Variants in FRMD4A observed in about 807,000 individuals in gnomAD.
The protein encoded by FRMD4A is FERM domain containing 4A.
In FRMD4A, 29 loss-of-function variants were observed where a neutral mutation model predicts 129.1. The ratio of observed to expected loss-of-function variants is 0.22; its 90% CI spans 0.17 to 0.31. The LOEUF is 0.31. Among genes scored for constraint, FRMD4A ranks in the 10% least tolerant of loss-of-function variants. The probability of loss-of-function intolerance (pLI) is 1.00; values close to 1 mark genes in which losing one functional copy is unlikely to be tolerated. For synonymous variants in FRMD4A, 634 were observed against 571.6 expected, an observed-to-expected ratio of 1.11 and a Z score of -1.56; for missense variants, 1,272 against 1,375.8, an observed-to-expected ratio of 0.92 and a Z score of 1.19.
At chr10:13,914,012 G>T (rs559223549) in intron 2 of FRMD4A, among the ~76,000 whole-genome samples, 50 of 152,292 alleles carry the variant, frequency 3.3e-4, no homozygotes, top group African/African-American at 1.2e-3. Flanking sequence ...ACTGCCTGTG[G>T]ACCAACACCC....
At chr10:13,919,680 G>A (rs1228995760) in intron 2 of FRMD4A, among the ~76,000 whole-genome samples, 2 of 152,170 alleles carry the variant, frequency 1.3e-5, no homozygotes. Flanking sequence ...GCTGAAGCCT[G>A]TAATCCCAGC....
intron 15 of FRMD4A, among the ~76,000 whole-genome samples, chr10:13,689,762 T>C (rs2134808792): frequency 1.3e-5 from 2 of 151,822 alleles, no homozygotes; most frequent in Non-Finnish European, 2.9e-5. Flanking sequence ...GGTGTCTTGC[T>C]ATGTTGCCAA....
intron 12 of FRMD4A, among the ~76,000 whole-genome samples, chr10:13,723,933 A>G (rs933975614): frequency 6.6e-6 from 1 of 152,234 alleles, no homozygotes; most frequent in African/African-American, 2.4e-5. Flanking sequence ...TGATTGTCAT[A>G]AAGAACTGGA....
At chr10:14,265,240 T>G (rs1844938651) in intron 2 of FRMD4A, among the ~76,000 whole-genome samples, 1 of 152,202 alleles carries the variant, frequency 6.6e-6, no homozygotes, top group South Asian at 2.1e-4. Context: ...GTGTCAAAGA[T>G]TTAGGATGTT....
At chr10:13,741,557 C>G (rs752637303) in intron 9 of FRMD4A, among the ~76,000 whole-genome samples, 1 of 152,136 alleles carries the variant, frequency 6.6e-6, no homozygotes, top group Non-Finnish European at 1.5e-5. Flanking sequence ...GCAGAGATGA[C>G]GCATGAATGC....
At chr10:14,278,340 C>G (rs370311790) in intron 2 of FRMD4A, among the ~76,000 whole-genome samples, 2 of 152,182 alleles carry the variant, frequency 1.3e-5, no homozygotes, top group Admixed American at 1.3e-4. Context: ...CAAGATTATA[C>G]TTCTTCACCA....
chr10:13,659,317 A>T lies in FRMD4A; in HGVS notation c.2066+6T>A. 2 of 1,613,216 alleles carry T rather than the reference A, an allele frequency of 1.2e-6. No homozygotes were observed. The highest frequency in any genetic ancestry group is 1.1e-5 in the South Asian group (1 of 91,070). ...TGGTCTGAGCAGGAAGGCCAGGCAGACTCACCTCGTGGAATGGACGTAGTG... is the reference window on the plus strand; with the variant it reads ...TGGTCTGAGCAGGAAGGCCAGGCAGTCTCACCTCGTGGAATGGACGTAGTG... On this transcript the variant is annotated splice_donor_region_variant and intron_variant, in intron 21 of 24. Coordinates refer to ENST00000357447, the MANE Select transcript of FRMD4A (RefSeq NM_018027.5).
chr10:13,881,770 G>A (rs1198954300), intron 2 of FRMD4A, among the ~76,000 whole-genome samples: 3 of 151,852 alleles, frequency 2.0e-5, no homozygotes, highest in African/African-American at 4.8e-5. Context: ...CCATAGGATC[G>A]AACTGCGACT....
intron 2 of FRMD4A, among the ~76,000 whole-genome samples, chr10:13,906,540 G>T (rs557635987): frequency 6.6e-6 from 1 of 152,230 alleles, no homozygotes; most frequent in South Asian, 2.1e-4. Context: ...ATATGCTATG[G>T]TATTATTTCC....
chr10:14,129,753 C>A (rs1839143216), intron 2 of FRMD4A, among the ~76,000 whole-genome samples: 1 of 152,112 alleles, frequency 6.6e-6, no homozygotes, highest in African/African-American at 2.4e-5. Flanking sequence ...TGGGAAATAT[C>A]TGAAATATAA....
intron 2 of FRMD4A, among the ~76,000 whole-genome samples, chr10:14,026,221 C>T (rs1049731508): frequency 4.6e-5 from 7 of 152,266 alleles, no homozygotes; most frequent in African/African-American, 7.2e-5. Context: ...AGAGCTCTCT[C>T]GGGTATGAAC....
intron 2 of FRMD4A, among the ~76,000 whole-genome samples, chr10:14,245,022 C>A (rs765993109): frequency 3.3e-5 from 5 of 152,230 alleles, no homozygotes; most frequent in Admixed American, 6.5e-5. Flanking sequence ...ACCTTCTGAG[C>A]TCTTACATCC....
At chr10:13,888,737 A>G (rs1342693947) in intron 2 of FRMD4A, among the ~76,000 whole-genome samples, 1 of 152,220 alleles carries the variant, frequency 6.6e-6, no homozygotes, top group Non-Finnish European at 1.5e-5. Flanking sequence ...AAAATAAGAC[A>G]TATGAATTGA....
intron 2 of FRMD4A, among the ~76,000 whole-genome samples, chr10:14,208,136 T>C (rs1842838648): frequency 6.6e-6 from 1 of 152,104 alleles, no homozygotes; most frequent in Non-Finnish European, 1.5e-5. Flanking sequence ...ATGGAGGTTG[T>C]AGTGAGCTAT....
At position 13,858,917 on chromosome 10, in the gene FRMD4A, G is replaced by T; in HGVS notation, c.46-5C>A. On this transcript the variant is annotated splice_region_variant and splice_polypyrimidine_tract_variant and intron_variant, in intron 2 of 24. Coordinates refer to ENST00000357447, the MANE Select transcript of FRMD4A (RefSeq NM_018027.5). ...ACATCGGCGGCCCTCCGTCATCTAA[G>T]AGGGAAGAGAAATGGTAGTCACTGA... 6.4e-7 allele frequency: 1 copy of T among 1,574,224 alleles called. No homozygotes were observed. The highest frequency in any genetic ancestry group is 8.7e-7 in the Non-Finnish European group (1 of 1,143,716).
chr10:13,783,541 C>T (rs1003260181), intron 5 of FRMD4A, among the ~76,000 whole-genome samples: 6 of 68,714 alleles, frequency 8.7e-5, no homozygotes, highest in African/African-American at 2.3e-4. Context: ...CATACCACCA[C>T]GCCTAATTTT....
chr10:13,923,420 T>C (rs1011771317), intron 2 of FRMD4A, among the ~76,000 whole-genome samples: 2 of 152,204 alleles, frequency 1.3e-5, no homozygotes, highest in African/African-American at 4.8e-5. Flanking sequence ...AACTTTAGAC[T>C]TAGGCTCTGT....
chr10:14,133,907 G>T (rs1033186831), intron 2 of FRMD4A, among the ~76,000 whole-genome samples: 3 of 152,110 alleles, frequency 2.0e-5, no homozygotes, highest in South Asian at 4.1e-4. Context: ...AATAGAGTTT[G>T]CTGGGGGCAT....
At chr10:14,188,735 T>A (rs551794134) in intron 2 of FRMD4A, among the ~76,000 whole-genome samples, 57 of 152,272 alleles carry the variant, frequency 3.7e-4, no homozygotes, top group African/African-American at 1.3e-3. Flanking sequence ...TGAGACCCCG[T>A]CCCTACGAAA....
Sources: gnomAD v4.1 joint callset for allele counts (sites outside exome capture counted in the v4.1 genomes callset) on GRCh38, gnomAD v4.1.1 for gene constraint, MANE v1.5 for transcripts, NCBI Gene and HGNC (gene_info 2026-07-23, HGNC 2026-07-21) for gene names.